Variants in GLIS3 observed in about 807,000 individuals in gnomAD.
GLIS3 encodes the protein zinc finger protein GLIS3.
A neutral mutation model predicts 78.6 loss-of-function variants in GLIS3; 53 were observed. The ratio of observed to expected loss-of-function variants is 0.67; its 90% CI spans 0.54 to 0.85. The LOEUF (loss-of-function observed/expected upper bound fraction) is 0.85, where lower values mean the gene tolerates loss of function less well. Among genes scored for constraint, GLIS3 ranks in the 40% least tolerant of loss-of-function variants. The pLI, the probability that GLIS3 is intolerant of heterozygous loss-of-function variation, is 0.00. For synonymous variants in GLIS3, 684 were observed against 509.9 expected, an observed-to-expected ratio of 1.34 and a Z score of -4.60; for missense variants, 1,703 against 1,231.1, an observed-to-expected ratio of 1.38 and a Z score of -5.74.
intron 2 of GLIS3, among the ~76,000 whole-genome samples, chr9:4,175,287 T>G (rs540063306): frequency 6.6e-6 from 1 of 152,308 alleles, no homozygotes; most frequent in Admixed American, 6.5e-5. Context: ...AATGAAGGAT[T>G]TGACAGCAGT....
the GLIS3 span, among the ~76,000 whole-genome samples, chr9:4,380,566 A>G: frequency 6.6e-6 from 1 of 152,220 alleles, no homozygotes; most frequent in African/African-American, 2.4e-5. Flanking sequence ...CTTGTTAACT[A>G]TGCAGATTTC....
chr9:4,213,000 G>A (rs1368373532), intron 2 of GLIS3, among the ~76,000 whole-genome samples: 1 of 152,180 alleles, frequency 6.6e-6, no homozygotes, highest in Non-Finnish European at 1.5e-5. Flanking sequence ...TTAGGAGGCT[G>A]TTGGAGATTG....
At chr9:4,397,024 CTTT>C in the GLIS3 span, among the ~76,000 whole-genome samples, 4 of 121,204 alleles carry the variant, frequency 3.3e-5, no homozygotes, top group East Asian at 2.2e-4. Context: ...TTCTTTTTTT[CTTT>C]TTTTTTTTTT....
intron 2 of GLIS3, among the ~76,000 whole-genome samples, chr9:4,245,142 C>T (rs1171404112): frequency 6.6e-6 from 1 of 152,138 alleles, no homozygotes; most frequent in Non-Finnish European, 1.5e-5. Context: ...TGACGTCCCA[C>T]TTGAACCATG....
chr9:4,451,417 A>G, the GLIS3 span, among the ~76,000 whole-genome samples: 2 of 152,188 alleles, frequency 1.3e-5, no homozygotes, highest in Admixed American at 1.3e-4. Context: ...TTAACACCCC[A>G]CTGTCAATAT....
chr9:4,249,796 G>A (rs201178917), intron 2 of GLIS3, among the ~76,000 whole-genome samples: 18 of 152,204 alleles, frequency 1.2e-4, no homozygotes, highest in South Asian at 6.2e-4. Context: ...ACATTTCATC[G>A]ATACCTAGCT....
intron 4 of GLIS3, among the ~76,000 whole-genome samples, chr9:4,076,714 A>G (rs898948547): frequency 7.2e-5 from 11 of 152,192 alleles, no homozygotes; most frequent in African/African-American, 2.7e-4. Context: ...GCCACTTCAT[A>G]GCCTGTCTTA....
chr9:4,012,690 T>C (rs1359821241), intron 4 of GLIS3, among the ~76,000 whole-genome samples: 1 of 151,698 alleles, frequency 6.6e-6, no homozygotes, highest in Non-Finnish European at 1.5e-5. Context: ...CTAGCCACCA[T>C]CTCTCTTGAT....
intron 9 of GLIS3, among the ~76,000 whole-genome samples, chr9:3,854,961 C>T (rs1405973532): frequency 6.6e-6 from 1 of 152,112 alleles, no homozygotes; most frequent in East Asian, 1.9e-4. Flanking sequence ...GGAACATCAC[C>T]CATTAATTTC....
chr9:3,878,155 G>C (rs1236755564), intron 8 of GLIS3, among the ~76,000 whole-genome samples: 1 of 151,966 alleles, frequency 6.6e-6, no homozygotes, highest in Non-Finnish European at 1.5e-5. Flanking sequence ...AAGAGCCTTA[G>C]TCTTCCTTCA....
At chr9:3,859,350 AACACACACACACACACACAC>A (rs34973607) in intron 8 of GLIS3, among the ~76,000 whole-genome samples, 80 of 148,968 alleles carry the variant, frequency 5.4e-4, no homozygotes, top group African/African-American at 1.4e-3. Context: ...GTTTCTTCGA[AACACACACACACACACACAC>A]ACACACACAC....
chr9:4,062,430 C>A (rs2130571176), intron 4 of GLIS3, among the ~76,000 whole-genome samples: 1 of 152,210 alleles, frequency 6.6e-6, no homozygotes. Flanking sequence ...TTTAATCATA[C>A]AAAATATCCA....
At chr9:3,858,712 A>C (rs1819955784) in intron 8 of GLIS3, among the ~76,000 whole-genome samples, 1 of 152,236 alleles carries the variant, frequency 6.6e-6, no homozygotes, top group South Asian at 2.1e-4. Context: ...AAAGGAAAGA[A>C]ATAGTACAAA....
At chr9:3,973,231 G>C (rs1012206739) in intron 4 of GLIS3, among the ~76,000 whole-genome samples, 6 of 152,102 alleles carry the variant, frequency 3.9e-5, no homozygotes, top group African/African-American at 1.4e-4. Flanking sequence ...CAATATACAC[G>C]GAGTACTGCC....
chr9:3,980,941 T>A (rs2130966748), intron 4 of GLIS3, among the ~76,000 whole-genome samples: 1 of 152,278 alleles, frequency 6.6e-6, no homozygotes, highest in Middle Eastern at 3.4e-3. Flanking sequence ...CTACACGGTT[T>A]CTCTCGACAG....
At chr9:4,226,848 G>A (rs1821812405) in intron 2 of GLIS3, among the ~76,000 whole-genome samples, 1 of 152,208 alleles carries the variant, frequency 6.6e-6, no homozygotes, top group Admixed American at 6.5e-5. Context: ...CATGGCCTCA[G>A]TAAGTGGTGG....
At chr9:4,098,960 A>G (rs150981414) in intron 4 of GLIS3, among the ~76,000 whole-genome samples, 2,137 of 152,266 alleles carry the variant, frequency 0.014, 45 homozygotes, top group African/African-American at 0.046. Flanking sequence ...ACACACTACA[A>G]GTAAGTCTGA....
intron 2 of GLIS3, among the ~76,000 whole-genome samples, chr9:4,140,151 C>A (rs1196527573): frequency 1.3e-5 from 2 of 152,178 alleles, no homozygotes; most frequent in African/African-American, 2.4e-5. Flanking sequence ...TGGCGAAACG[C>A]TGTCTCCACA....
chr9:4,050,774 C>T (rs1256056721), intron 4 of GLIS3, among the ~76,000 whole-genome samples: 1 of 151,992 alleles, frequency 6.6e-6, no homozygotes, highest in African/African-American at 2.4e-5. Flanking sequence ...CACTAGAGTC[C>T]ACTGAAAGTC....
Sources: allele counts gnomAD v4.1 joint callset (sites outside exome capture counted in the v4.1 genomes callset), GRCh38; gene constraint gnomAD v4.1.1; transcripts MANE v1.5; gene names NCBI Gene and HGNC (gene_info 2026-07-23, HGNC 2026-07-21).